C6orf118: variants seen among roughly 807,000 people sequenced by gnomAD.
The protein encoded by C6orf118 is chromosome 6 open reading frame 118.
Under a neutral mutation model 50.2 loss-of-function variants are expected in C6orf118, and 50 were observed. That is an observed-to-expected ratio of 1.00 (90% CI 0.79 to 1.26). The LOEUF is 1.26. Among genes scored for constraint, C6orf118 ranks in the 50% most tolerant of loss-of-function variants. The pLI, the probability that C6orf118 is intolerant of heterozygous loss-of-function variation, is 0.00. For missense variants in C6orf118, 641 were observed against 578.7 expected, an observed-to-expected ratio of 1.11 and a Z score of -1.10; for synonymous variants, 239 against 230.9, an observed-to-expected ratio of 1.03 and a Z score of -0.32.
chr6:165,283,350 C>T (rs1779795938), intron 7 of C6orf118, among the ~76,000 whole-genome samples: 1 of 152,184 alleles, frequency 6.6e-6, no homozygotes, highest in Non-Finnish European at 1.5e-5. Flanking sequence ...AAGATCCCCT[C>T]GTGAGCCCAC....
Position 165,302,077 on chromosome 6 carries a change from T to C in C6orf118, c.245A>G (p.Asn82Ser), listed in dbSNP as rs765858295. 1.2e-6 allele frequency: 2 copies of C among 1,613,790 alleles called. No homozygotes were observed. The highest frequency in any genetic ancestry group is 1.7e-6 in the Non-Finnish European group (2 of 1,179,992). ...PPETILQHWP[N>S]AHRPKGERAS... is the part of the protein sequence containing the mutation. ...GCGCTCCCCCTTGGGCCGGTGGGCATTGGGCCAGTGCTGTAAGATCGTCTC... is the reference window on the plus strand; with the variant it reads ...GCGCTCCCCCTTGGGCCGGTGGGCACTGGGCCAGTGCTGTAAGATCGTCTC... The change falls in exon 2 of 9, where the codon AAT (asparagine) becomes AGT (serine). Residue 82 changes from asparagine to serine, a missense_variant. Physicochemically the swap from Asn to Ser is conservative, Grantham distance 46. Coordinates refer to ENST00000230301, the MANE Select transcript of C6orf118 (RefSeq NM_144980.4).
chr6:165,290,137 T>C, intron 6 of C6orf118, 70 bp from the exon 7 acceptor site: 1 of 890,314 alleles, frequency 1.1e-6, no homozygotes, highest in Non-Finnish European at 1.7e-6. Context: ...GCATTATGTA[T>C]TATTAACAAT....
intron 1 of C6orf118, among the ~76,000 whole-genome samples, chr6:165,308,561 T>A (rs1662433637): frequency 6.6e-6 from 1 of 152,094 alleles, no homozygotes; most frequent in Admixed American, 6.5e-5. Context: ...AAACTGACCT[T>A]ACCCTCGAGT....
intron 4 of C6orf118, 110 bp from the exon 5 acceptor site, chr6:165,298,211 A>G (rs1780385782): frequency 7.7e-7 from 1 of 1,304,016 alleles, no homozygotes; most frequent in Non-Finnish European, 1.0e-6. Flanking sequence ...TTAACATATA[A>G]GTTCTAGTTA....
At chr6:165,291,133 A>G (rs4709934) in intron 6 of C6orf118, among the ~76,000 whole-genome samples, 84,686 of 151,988 alleles carry the variant, frequency 0.56, 24,768 homozygotes, top group East Asian at 0.79. Flanking sequence ...TATGGGAGCT[A>G]CAATTCAAGA....
At chr6:165,297,402 A>T (rs532031324) in intron 5 of C6orf118, among the ~76,000 whole-genome samples, 2,419 of 123,958 alleles carry the variant, frequency 0.02, 71 homozygotes, top group African/African-American at 0.086. Context: ...AGTCTCCATT[A>T]AAAAAAAAAA....
chr6:165,299,632 C>T (rs987665588), intron 3 of C6orf118, 130 bp from the exon 4 acceptor site: 1 of 662,218 alleles, frequency 1.5e-6, no homozygotes, highest in Non-Finnish European at 2.6e-6. Flanking sequence ...TAAAATGTTC[C>T]CACAATGCAT....
chr6:165,305,668 T>C (rs1410954534), intron 1 of C6orf118, among the ~76,000 whole-genome samples: 1 of 116,018 alleles, frequency 8.6e-6, no homozygotes, highest in Non-Finnish European at 1.7e-5. Flanking sequence ...GTGAAGGACA[T>C]GAACAGAAAC....
intron 5 of C6orf118, among the ~76,000 whole-genome samples, chr6:165,296,547 T>G (rs2128160906): frequency 6.6e-6 from 1 of 152,234 alleles, no homozygotes; most frequent in East Asian, 1.9e-4. Context: ...TCCATCACAG[T>G]GTGACCCCAC....
At chr6:165,282,295 A>T (rs942449568) in intron 7 of C6orf118, among the ~76,000 whole-genome samples, 2 of 152,178 alleles carry the variant, frequency 1.3e-5, no homozygotes, top group Non-Finnish European at 2.9e-5. Flanking sequence ...AAATTAATCA[A>T]TAGTGTTAAT....
chr6:165,293,580 C>T (rs145318013), intron 5 of C6orf118, 109 bp from the exon 6 acceptor site: 17 of 818,914 alleles, frequency 2.1e-5, no homozygotes. Flanking sequence ...TAAAATAGAT[C>T]TGCTTACTTT....
Position 165,302,106 on chromosome 6 carries a change from A to G in C6orf118, c.216T>C (p.Pro72=). ...GCCAGTGCTGTAAGATCGTCTCCGGAGGCTGGTAGAGCTTGTTGGGGTTCA... is the reference window on the plus strand; with the variant it reads ...GCCAGTGCTGTAAGATCGTCTCCGGGGGCTGGTAGAGCTTGTTGGGGTTCA... ...GHLNPNKLYQ[P]PETILQHWPN... Residue 72 remains proline (P), a synonymous_variant, in exon 2 of 9, where the codon CCT becomes CCC. Transcript: ENST00000230301. The G allele has an allele frequency of 1.2e-6, 2 of 1,613,812 alleles. No individual in the cohort carries two copies. Among genetic ancestry groups the G allele is most frequent in the Non-Finnish European group, 1.7e-6 (2 of 1,179,960 alleles).
Position 165,293,466 on chromosome 6 carries a change from C to A in C6orf118, c.1067G>T (p.Arg356Ile), listed in dbSNP as rs1427471556. The change falls in exon 6 of 9, where the codon AGA becomes ATA. Residue 356 changes from arginine to isoleucine, a missense_variant. By Grantham distance (97) the Arg-to-Ile change is moderately conservative. Coordinates refer to ENST00000230301, the MANE Select transcript of C6orf118 (RefSeq NM_144980.4). ...KAALEQNDRLRSELEMEVALL... is the reference protein window; with the variant it reads ...KAALEQNDRLISELEMEVALL... ...TGCCACCTCCATCTCCAGTTCACTT[C>A]TGAGTCTACAATGTGAGGATAAACA... 6.2e-7 allele frequency: 1 copy of A among 1,612,982 alleles called. No homozygotes were observed. The highest frequency in any genetic ancestry group is 8.5e-7 in the Non-Finnish European group (1 of 1,179,156).
chr6:165,302,382 C>G (rs1226164876), intron 1 of C6orf118, 86 bp from the exon 2 acceptor site: 9 of 1,497,648 alleles, frequency 6.0e-6, no homozygotes, highest in Non-Finnish European at 8.1e-6. Flanking sequence ...AGGCGTAGCC[C>G]CTGACCAAAA....
chr6:165,300,710 C>A (rs1242171788), intron 2 of C6orf118, among the ~76,000 whole-genome samples: 1 of 152,006 alleles, frequency 6.6e-6, no homozygotes, highest in African/African-American at 2.4e-5. Context: ...ATCTTTTCTT[C>A]TTTATTGACT....
In C6orf118 at chr6:165,301,305, C is replaced by T. The variant is rs147814945; in HGVS notation, c.753+264G>A. Among the ~76,000 whole-genome samples, 705 of 151,800 alleles carry T rather than the reference C, an allele frequency of 4.6e-3. 6 individuals carry two copies. The highest frequency in any genetic ancestry group is 0.016 in the African/African-American group (666 of 41,272). ...AGAGGCTGCACCAAGAGCACTGCACCGAGAACACTGCACCGAGAGCACTGC... is the reference window on the plus strand; with the variant it reads ...AGAGGCTGCACCAAGAGCACTGCACTGAGAACACTGCACCGAGAGCACTGC... On this transcript the variant is annotated intron_variant, in intron 2 of 8. Coordinates refer to ENST00000230301, the MANE Select transcript of C6orf118 (RefSeq NM_144980.4).
At position 165,302,169 on chromosome 6, in the gene C6orf118, G is replaced by A; in HGVS notation, c.153C>T (p.Asp51=). 1 of 1,614,176 alleles carries A rather than the reference G, an allele frequency of 6.2e-7. No individual in the cohort carries two copies. Among genetic ancestry groups the A allele is most frequent in the Non-Finnish European group, 8.5e-7 (1 of 1,180,028 alleles). ...TGTAGAGGTAGACGTCCTCCCGGTG[G>A]TCTTTCTGAAGCCGATTCAGAAGTT... ...LKKLLNRLQK[D]HREDVYLYIS... The change falls in exon 2 of 9, where the codon GAC becomes GAT. Residue 51 remains aspartate (D), a synonymous_variant. Coordinates refer to ENST00000230301, the MANE Select transcript of C6orf118 (RefSeq NM_144980.4).
chr6:165,288,327 T>C (rs374765911), intron 7 of C6orf118, among the ~76,000 whole-genome samples: 13 of 152,190 alleles, frequency 8.5e-5, no homozygotes, highest in African/African-American at 2.9e-4. Context: ...TTTTACACTG[T>C]TGGTAGGAAT....
rs1328391802 is a variant in C6orf118 at position 165,307,721 on chromosome 6, T to G, written c.25+1841A>C. On this transcript the variant is annotated intron_variant, in intron 1 of 8. Coordinates refer to ENST00000230301, the MANE Select transcript of C6orf118 (RefSeq NM_144980.4). ...CCTACCCTAAAGTCAGTGCACATCCTAAGAAATGTACTTCTGGAAAGACTT... is the reference window on the plus strand; with the variant it reads ...CCTACCCTAAAGTCAGTGCACATCCGAAGAAATGTACTTCTGGAAAGACTT... 3.3e-5 allele frequency among the ~76,000 whole-genome samples: 5 copies of G among 151,264 alleles called. No homozygotes were observed. In the East Asian group the frequency reaches 9.7e-4, roughly 29 times the overall value.
Sources: gnomAD v4.1 joint callset for allele counts (sites outside exome capture counted in the v4.1 genomes callset) on GRCh38, gnomAD v4.1.1 for gene constraint, MANE v1.5 for transcripts, NCBI Gene and HGNC (gene_info 2026-07-23, HGNC 2026-07-21) for gene names.